The following GRM8 variants were observed in gnomAD, a reference collection of about 807,000 sequenced individuals.
GRM8 encodes metabotropic glutamate receptor 8.
A neutral mutation model predicts 87.2 loss-of-function variants in GRM8; 47 were observed. That is an observed-to-expected ratio of 0.54 (90% CI 0.43 to 0.69). GRM8 has a LOEUF of 0.69. Among genes scored for constraint, GRM8 ranks in the 30% least tolerant of loss-of-function variants. The probability of loss-of-function intolerance (pLI) is 0.00; values close to 1 mark genes in which losing one functional copy is unlikely to be tolerated. For synonymous variants in GRM8, 396 were observed against 404.5 expected, an observed-to-expected ratio of 0.98 and a Z score of 0.25; for missense variants, 1,019 against 1,139.2, an observed-to-expected ratio of 0.89 and a Z score of 1.52.
intron 7 of GRM8, among the ~76,000 whole-genome samples, chr7:126,763,528 T>C (rs1817837703): frequency 7.2e-6 from 1 of 138,534 alleles, no homozygotes; most frequent in Admixed American, 7.5e-5. Context: ...TTTATCATCA[T>C]TCTATGTTTC....
intron 8 of GRM8, among the ~76,000 whole-genome samples, chr7:126,604,244 T>G (rs1798124745): frequency 6.6e-6 from 1 of 152,104 alleles, no homozygotes; most frequent in Non-Finnish European, 1.5e-5. Flanking sequence ...TTTGCTCAAG[T>G]TTTAGTTTTT....
chr7:126,958,541 C>G (rs17867721), intron 3 of GRM8, among the ~76,000 whole-genome samples: 1,635 of 152,284 alleles, frequency 0.011, 12 homozygotes, highest in Non-Finnish European at 0.018. Flanking sequence ...TGCGCAGTGG[C>G]TGGATCCAAC....
chr7:126,648,328 T>C (rs911035991), intron 7 of GRM8, among the ~76,000 whole-genome samples: 1 of 152,232 alleles, frequency 6.6e-6, no homozygotes, highest in Non-Finnish European at 1.5e-5. Context: ...TTCATTAAAA[T>C]TGTCATTTTA....
chr7:127,056,650 C>T (rs1403075630), intron 3 of GRM8, among the ~76,000 whole-genome samples: 1 of 152,132 alleles, frequency 6.6e-6, no homozygotes, highest in Non-Finnish European at 1.5e-5. Flanking sequence ...TAATGAAAAA[C>T]AATATCCTGT....
chr7:126,976,001 A>C (rs936555085), intron 3 of GRM8, among the ~76,000 whole-genome samples: 1 of 152,176 alleles, frequency 6.6e-6, no homozygotes, highest in Non-Finnish European at 1.5e-5. Context: ...CAAACATGAA[A>C]TCAGGGACTG....
At chr7:127,078,622 C>G (rs1033955310) in intron 3 of GRM8, among the ~76,000 whole-genome samples, 3 of 152,208 alleles carry the variant, frequency 2.0e-5, no homozygotes, top group Non-Finnish European at 4.4e-5. Context: ...CAACATGGCT[C>G]TTAGAGACAC....
At chr7:126,529,886 C>T (rs1057264655) in intron 9 of GRM8, among the ~76,000 whole-genome samples, 1 of 152,142 alleles carries the variant, frequency 6.6e-6, no homozygotes, top group Non-Finnish European at 1.5e-5. Context: ...TCTACCCTTC[C>T]TTCACACCAC....
intron 3 of GRM8, among the ~76,000 whole-genome samples, chr7:126,960,548 T>C (rs1449547829): frequency 6.6e-6 from 1 of 152,220 alleles, no homozygotes; most frequent in Admixed American, 6.5e-5. Context: ...TAAAGTAATA[T>C]GTTCAAAGGA....
intron 3 of GRM8, among the ~76,000 whole-genome samples, chr7:127,038,679 A>G (rs1178812033): frequency 2.0e-5 from 3 of 152,208 alleles, no homozygotes; most frequent in Non-Finnish European, 4.4e-5. Context: ...ATAAAACTTT[A>G]ATAAAAATAA....
At position 126,533,182 on chromosome 7, in the gene GRM8, C is replaced by A; in HGVS notation, c.2200G>T (p.Glu734Ter). Residue 734 changes from glutamate to a stop codon, truncating the protein, a stop_gained, in exon 9 of 11, where the codon GAG (glutamate) becomes TAG (stop). Transcript: ENST00000339582. LOFTEE classifies it high-confidence loss of function. ...CACTTGAGCACTCCCCTGGCCTTCTCTGGATCTAGTGTCCGCTGCTCTCCA... is the reference window on the plus strand; with the variant it reads ...CACTTGAGCACTCCCCTGGCCTTCTATGGATCTAGTGTCCGCTGCTCTCCA... ...DYGEQRTLDP[E>*]KARGVLKCDI... is the part of the protein sequence containing the mutation. 1.2e-6 allele frequency: 2 copies of A among 1,612,908 alleles called. No homozygotes were observed. The highest frequency in any genetic ancestry group is 1.7e-6 in the Non-Finnish European group (2 of 1,179,638).
At chr7:126,869,126 C>T (rs1332725997) in intron 6 of GRM8, 1 of 152,262 alleles carries the variant, frequency 6.6e-6, no homozygotes, top group South Asian at 2.1e-4. Context: ...TGTCAATAAA[C>T]CATTTTCTTT....
chr7:126,526,558 A>G (rs770367507), intron 9 of GRM8, among the ~76,000 whole-genome samples: 2 of 152,234 alleles, frequency 1.3e-5, no homozygotes, highest in Non-Finnish European at 1.5e-5. Flanking sequence ...ACTTAAATTA[A>G]GTAATCTTCA....
At chr7:126,612,263 G>A (rs930766617) in intron 7 of GRM8, among the ~76,000 whole-genome samples, 2 of 152,110 alleles carry the variant, frequency 1.3e-5, no homozygotes, top group Non-Finnish European at 2.9e-5. Context: ...CTCAGTGAGC[G>A]TATAAGTTTT....
At chr7:127,029,273 G>T (rs1016469061) in intron 3 of GRM8, among the ~76,000 whole-genome samples, 2 of 152,128 alleles carry the variant, frequency 1.3e-5, no homozygotes, top group African/African-American at 4.8e-5. Flanking sequence ...GTCAATTTTA[G>T]AATAAGTGCA....
At chr7:126,793,341 C>A (rs544379901) in intron 6 of GRM8, among the ~76,000 whole-genome samples, 232 of 152,252 alleles carry the variant, frequency 1.5e-3, no homozygotes, top group South Asian at 2.7e-3. Context: ...AAGGGCACTG[C>A]GGTCAGAAGG....
rs111370070 is a variant in GRM8 at position 127,127,455 on chromosome 7, T to A, written c.511-20743A>T. ...AATAAAATAAAATACAACTTGGCAA[T>A]CAAAATAAATTACTGATGAACACAG... On this transcript the variant is annotated intron_variant, in intron 2 of 10. Transcript: ENST00000339582. 2.0e-3 allele frequency among the ~76,000 whole-genome samples: 304 copies of A among 152,078 alleles called. 1 individual carries two copies. Among genetic ancestry groups the A allele is most frequent in the African/African-American group, 7.0e-3 (292 of 41,514 alleles).
chr7:127,021,760 C>T (rs6959432), intron 3 of GRM8, among the ~76,000 whole-genome samples: 2,136 of 152,182 alleles, frequency 0.014, 47 homozygotes, highest in African/African-American at 0.048. Flanking sequence ...TTTAGCCACA[C>T]AACTAGTAAT....
At chr7:127,140,178 A>T (rs927036363) in intron 2 of GRM8, among the ~76,000 whole-genome samples, 16 of 152,108 alleles carry the variant, frequency 1.1e-4, no homozygotes, top group Admixed American at 3.9e-4. Flanking sequence ...AGCTTTTCTC[A>T]ATCTCAGCAC....
intron 3 of GRM8, among the ~76,000 whole-genome samples, chr7:126,982,950 A>G (rs989412365): frequency 3.3e-5 from 5 of 152,120 alleles, no homozygotes; most frequent in African/African-American, 1.2e-4. Context: ...ATACTAAGAG[A>G]TGCCCTAATG....
Sources: gnomAD v4.1 joint callset for allele counts (sites outside exome capture counted in the v4.1 genomes callset) on GRCh38, gnomAD v4.1.1 for gene constraint, MANE v1.5 for transcripts, NCBI Gene and HGNC (gene_info 2026-07-23, HGNC 2026-07-21) for gene names.